SBNO2: variants seen among roughly 807,000 people sequenced by gnomAD.
SBNO2 encodes the protein strawberry notch homolog 2.
In SBNO2, 89 loss-of-function variants were observed where a neutral mutation model predicts 146.3. The ratio of observed to expected loss-of-function variants is 0.61; its 90% CI spans 0.51 to 0.73. SBNO2 has a LOEUF of 0.73. Ranked by LOEUF, SBNO2 falls within the 30% of genes least tolerant of loss-of-function variation. The pLI, the probability that SBNO2 is intolerant of heterozygous loss-of-function variation, is 0.00. For synonymous variants in SBNO2, 1,147 were observed against 892.6 expected (o/e 1.29, Z -5.08); for missense variants, 2,092 against 2,003.7 (o/e 1.04, Z -0.84).
At chr19:1,147,161 G>A (rs1385883034) in intron 4 of SBNO2, 148 bp downstream of exon 4, 4 of 578,000 alleles carry the variant, frequency 6.9e-6, no homozygotes, top group African/African-American at 4.0e-5. Context: ...GGCTCCTACT[G>A]CCCCACCGTA....
intron 15 of SBNO2, 96 bp from the exon 16 acceptor site, chr19:1,117,022 A>C: frequency 8.6e-7 from 1 of 1,157,248 alleles, no homozygotes. Context: ...CACATCCCTC[A>C]CTCTGCTGCT....
chr19:1,114,455 A>G (rs1432600353), intron 17 of SBNO2, 33 bp from the exon 18 acceptor site: 2 of 1,478,100 alleles, frequency 1.4e-6, no homozygotes, highest in African/African-American at 2.8e-5. Context: ...CGAGGGCCAG[A>G]CCGCAGCAAG....
Position 1,108,640 on chromosome 19 carries a change from G to A in SBNO2, c.3681C>T (p.Asp1227=), listed in dbSNP as rs574425907. 26 of 1,506,838 alleles carry A rather than the reference G, an allele frequency of 1.7e-5. No homozygotes were observed. In the East Asian group the frequency reaches 2.1e-4, roughly 12 times the overall value. 93.3% of individuals were successfully genotyped at this position (1,506,838 alleles called of 1,614,324 possible). ...GGGCGGGCGCCTGCCTGCGCTTCACGTCCGCATCCATCAGCCGCAGCTCCT... is the reference window on the plus strand; with the variant it reads ...GGGCGGGCGCCTGCCTGCGCTTCACATCCGCATCCATCAGCCGCAGCTCCT... The part of the protein sequence containing the change: ...VLQELRLMDA[D]VKRRQAPALG... Residue 1227 remains aspartate (D), a synonymous_variant, in exon 32 of 32, where the codon GAC becomes GAT. Coordinates refer to ENST00000361757, the MANE Select transcript of SBNO2 (RefSeq NM_014963.3).
intron 1 of SBNO2, among the ~76,000 whole-genome samples, chr19:1,156,267 G>A (rs550888101): frequency 6.6e-6 from 1 of 152,166 alleles, no homozygotes. Context: ...AGGCTCAGGG[G>A]ACCGGGTTCT....
At position 1,129,533 on chromosome 19, in the gene SBNO2, C is replaced by T. The variant is rs1304204184; in HGVS notation, c.280-1768G>A. Among the ~76,000 whole-genome samples the T allele has an allele frequency of 3.3e-5, 5 of 152,210 alleles. No individual in the cohort carries two copies. In the East Asian group the frequency reaches 9.7e-4, roughly 29 times the overall value. On this transcript the variant is annotated intron_variant, in intron 4 of 31. Coordinates refer to ENST00000361757, the MANE Select transcript of SBNO2 (RefSeq NM_014963.3). Reference sequence around the variant, plus strand: ...CCACCCCAGGAGGGTAGGAGCAGTCCACCTCCCAGAGCCTCTGGAGGCCCC... The same window carrying T: ...CCACCCCAGGAGGGTAGGAGCAGTCTACCTCCCAGAGCCTCTGGAGGCCCC...
At position 1,150,284 on chromosome 19, in the gene SBNO2, A is replaced by G. The variant is rs1291239714; in HGVS notation, c.94-842T>C. On this transcript the variant is annotated intron_variant, in intron 2 of 31. Coordinates refer to ENST00000361757, the MANE Select transcript of SBNO2 (RefSeq NM_014963.3). This position sits in a 1 kb window ranked among gnomAD's most constrained non-coding sequence, Gnocchi z 6.2. ...GAGGATGGGGAGCACACGGGGCAGC[A>G]GCGGGCCCAAGGGCGGCAGCGGGCC... Among the ~76,000 whole-genome samples, 1 of 152,102 alleles carries G rather than the reference A, an allele frequency of 6.6e-6. No homozygotes were observed. The highest frequency in any genetic ancestry group is 1.5e-5 in the Non-Finnish European group (1 of 67,990).
chr19:1,162,411 G>C (rs973619831), intron 1 of SBNO2, among the ~76,000 whole-genome samples: 3 of 150,204 alleles, frequency 2.0e-5, no homozygotes, highest in African/African-American at 7.3e-5. Flanking sequence ...AGTGAGCCGA[G>C]ATCGGGCCAC....
chr19:1,113,350 T>G (rs2079790423), intron 19 of SBNO2, among the ~76,000 whole-genome samples, 185 bp downstream of exon 19: 2 of 152,214 alleles, frequency 1.3e-5, no homozygotes, highest in South Asian at 2.1e-4. Context: ...CAGGAGGTCG[T>G]GGCCTCCCGG....
At chr19:1,139,685 C>T (rs1043993223) in intron 4 of SBNO2, among the ~76,000 whole-genome samples, 2 of 151,062 alleles carry the variant, frequency 1.3e-5, no homozygotes, top group African/African-American at 4.9e-5. Flanking sequence ...ATCCCAGCTA[C>T]TCGGGAGGCT....
chr19:1,155,638 G>C (rs1242107845), intron 1 of SBNO2, among the ~76,000 whole-genome samples: 6 of 152,190 alleles, frequency 3.9e-5, no homozygotes, highest in African/African-American at 1.4e-4. Flanking sequence ...TCCACCTTCT[G>C]AGTTGAATAA....
intron 1 of SBNO2, among the ~76,000 whole-genome samples, chr19:1,164,818 G>A (rs1310130262): frequency 1.4e-3 from 1 of 726 alleles, no homozygotes; most frequent in Non-Finnish European, 2.9e-3. Flanking sequence ...GGAGGAGCAG[G>A]AGGAGGGAGG....
At chr19:1,159,649 G>A (rs1281131234) in intron 1 of SBNO2, among the ~76,000 whole-genome samples, 8 of 52,558 alleles carry the variant, frequency 1.5e-4, no homozygotes, top group African/African-American at 5.0e-4. Flanking sequence ...ATGGTGGGGG[G>A]ACAGCAGGGG....
rs1238904606 is a variant in SBNO2, at chr19:1,110,466, C to A, written c.3028+279G>T. Reference sequence around the variant, plus strand: ...CAGTCTCACCCAGTACCCTCGCTCACCCAGGATGCATGGCGCTTCCACGAG... The same window carrying A: ...CAGTCTCACCCAGTACCCTCGCTCAACCAGGATGCATGGCGCTTCCACGAG... On this transcript the variant is annotated intron_variant, in intron 26 of 31. Transcript: ENST00000361757. This position sits in a 1 kb window ranked among gnomAD's most constrained non-coding sequence, Gnocchi z 4.9. Among the ~76,000 whole-genome samples, 2 of 152,134 alleles carry A rather than the reference C, an allele frequency of 1.3e-5. No individual in the cohort carries two copies. The highest frequency in any genetic ancestry group is 2.4e-5 in the African/African-American group (1 of 41,406).
chr19:1,168,026 C>G (rs2080442538), intron 1 of SBNO2, among the ~76,000 whole-genome samples: 1 of 152,020 alleles, frequency 6.6e-6, no homozygotes, highest in Non-Finnish European at 1.5e-5. Context: ...GAGGGGGCCA[C>G]ACAGGTGCAC....
rs2080166774 is a variant in SBNO2 at position 1,144,372 on chromosome 19, G to A, written c.279+2937C>T. On this transcript the variant is annotated intron_variant, in intron 4 of 31. Transcript: ENST00000361757. The surrounding 1 kb of genome is among the most constrained non-coding windows in gnomAD (Gnocchi z 4.1). The stretch of plus-strand genomic sequence containing the variant: ...GGTCCAAGCTGCCCCACATACGGAC[G>A]CTGGAGCATGAGGCGGCTGTAGGCA... 6.6e-6 allele frequency among the ~76,000 whole-genome samples: 1 copy of A among 152,140 alleles called. No individual in the cohort carries two copies. Among genetic ancestry groups the A allele is most frequent in the South Asian group, 2.1e-4 (1 of 4,826 alleles).
chr19:1,130,142 G>T (rs2080012155), intron 4 of SBNO2, among the ~76,000 whole-genome samples: 1 of 152,158 alleles, frequency 6.6e-6, no homozygotes, highest in African/African-American at 2.4e-5. Context: ...GGGGTCCTGG[G>T]CAGGAAAGGA....
intron 14 of SBNO2, 29 bp downstream of exon 14, chr19:1,118,982 G>A (rs1344645243): frequency 4.0e-5 from 63 of 1,560,820 alleles, no homozygotes; most frequent in Non-Finnish European, 5.1e-5. Context: ...AAACGCACAG[G>A]GGTCCCCGGG....
chr19:1,164,658 A>G, intron 1 of SBNO2, among the ~76,000 whole-genome samples: 1 of 142,348 alleles, frequency 7.0e-6, no homozygotes, highest in Admixed American at 7.1e-5. Flanking sequence ...CAGGAGGAGG[A>G]GGAGGAGGAA....
At chr19:1,132,036 C>A (rs1310656399) in intron 4 of SBNO2, 3 of 1,378,292 alleles carry the variant, frequency 2.2e-6, no homozygotes, top group East Asian at 3.0e-5. Flanking sequence ...TGGGGTCCCA[C>A]CTCCCAGACC....
Sources: gnomAD v4.1 joint callset for allele counts (sites outside exome capture counted in the v4.1 genomes callset) on GRCh38, gnomAD v4.1.1 for gene constraint, Gnocchi (gnomAD v3.1) non-coding constraint, MANE v1.5 for transcripts, NCBI Gene and HGNC (gene_info 2026-07-23, HGNC 2026-07-21) for gene names.